Variants in HIKESHI observed in about 807,000 individuals in gnomAD.
HIKESHI encodes the protein protein Hikeshi.
Under a neutral mutation model 25.7 loss-of-function variants are expected in HIKESHI, and 13 were observed. The ratio of observed to expected loss-of-function variants is 0.51; its 90% CI spans 0.33 to 0.80. The LOEUF is 0.80. Ranked by LOEUF, HIKESHI falls within the 30% of genes least tolerant of loss-of-function variation. The pLI is 0.02. For synonymous variants in HIKESHI, 76 were observed against 78.7 expected, an observed-to-expected ratio of 0.97 and a Z score of 0.18; for missense variants, 174 against 229.5, an observed-to-expected ratio of 0.76 and a Z score of 1.56.
chr11:86,309,463 G>T (rs1946774321), intron 2 of HIKESHI, among the ~76,000 whole-genome samples: 1 of 152,116 alleles, frequency 6.6e-6, no homozygotes, highest in Non-Finnish European at 1.5e-5. Context: ...GTAGATTCTG[G>T]ATATTAGCCC....
At chr11:86,340,789 C>T (rs945218608) in intron 3 of HIKESHI, among the ~76,000 whole-genome samples, 2 of 152,036 alleles carry the variant, frequency 1.3e-5, no homozygotes, top group Non-Finnish European at 2.9e-5. Context: ...GGATTACAGG[C>T]GCGTGCCACC....
At chr11:86,321,678 C>T (rs1472235782) in intron 2 of HIKESHI, among the ~76,000 whole-genome samples, 5 of 151,920 alleles carry the variant, frequency 3.3e-5, no homozygotes, top group East Asian at 1.9e-4. Flanking sequence ...TATAGGCACC[C>T]GCCATTATGC....
intron 3 of HIKESHI, among the ~76,000 whole-genome samples, chr11:86,340,393 C>T (rs1481633363): frequency 6.6e-6 from 1 of 152,220 alleles, no homozygotes; most frequent in Non-Finnish European, 1.5e-5. Flanking sequence ...TCCTATTTCT[C>T]CACATCCTCT....
chr11:86,327,115 A>G (rs1947302045), intron 2 of HIKESHI, among the ~76,000 whole-genome samples: 1 of 152,160 alleles, frequency 6.6e-6, no homozygotes, highest in African/African-American at 2.4e-5. Flanking sequence ...ATTGTCTGGA[A>G]TGGCTTGGGG....
chr11:86,303,302 T>C (rs981626304), intron 1 of HIKESHI: 4 of 574,558 alleles, frequency 7.0e-6, no homozygotes, highest in Non-Finnish European at 8.8e-6. Context: ...CTTTGCTGAA[T>C]TGTCTTTTTT....
intron 2 of HIKESHI, among the ~76,000 whole-genome samples, chr11:86,322,229 C>A (rs1396663652): frequency 6.6e-6 from 1 of 152,154 alleles, no homozygotes; most frequent in Non-Finnish European, 1.5e-5. Context: ...TCAAGTGATA[C>A]ACCCACCTCA....
intron 2 of HIKESHI, among the ~76,000 whole-genome samples, chr11:86,331,836 A>G (rs1012550509): frequency 1.3e-5 from 2 of 152,126 alleles, no homozygotes; most frequent in East Asian, 1.9e-4. Context: ...TTAGAAATAC[A>G]TATTTCTAAA....
chr11:86,323,558 T>C (rs1269697165), intron 2 of HIKESHI, among the ~76,000 whole-genome samples: 1 of 152,210 alleles, frequency 6.6e-6, no homozygotes, highest in Non-Finnish European at 1.5e-5. Flanking sequence ...ATTTCCCCCA[T>C]CTTTGCCTGT....
chr11:86,330,351 G>C, intron 2 of HIKESHI, among the ~76,000 whole-genome samples: 1 of 152,014 alleles, frequency 6.6e-6, no homozygotes, highest in South Asian at 2.1e-4. Flanking sequence ...CAAAAATCTT[G>C]GTGACTTATT....
At chr11:86,302,609 A>G (rs1350174328) in intron 1 of HIKESHI, 131 bp downstream of exon 1, 16 of 1,040,228 alleles carry the variant, frequency 1.5e-5, no homozygotes, top group Non-Finnish European at 2.1e-5. Context: ...GTATGTGAGG[A>G]TGGAGCGTGG....
At chr11:86,312,562 AAGGTTAATATTGCTGTGTG>A (rs1946862066) in intron 2 of HIKESHI, among the ~76,000 whole-genome samples, 1 of 152,152 alleles carries the variant, frequency 6.6e-6, no homozygotes, top group Admixed American at 6.5e-5. Context: ...ATTTACATTT[AAGGTTAATATTGCTGTGTG>A]TGAATTTGAT....
At chr11:86,315,870 G>GA (rs954004668) in intron 2 of HIKESHI, among the ~76,000 whole-genome samples, 1 of 151,918 alleles carries the variant, frequency 6.6e-6, no homozygotes, top group African/African-American at 2.4e-5. Flanking sequence ...TACTGTTCTA[G>GA]AAAAAAACAT....
intron 2 of HIKESHI, among the ~76,000 whole-genome samples, chr11:86,307,852 G>A (rs1946692436): frequency 8.6e-6 from 1 of 116,816 alleles, no homozygotes; most frequent in Non-Finnish European, 1.7e-5. Flanking sequence ...TATATTATGT[G>A]TAATATACAT....
chr11:86,303,873 G>A (rs1306891171), intron 1 of HIKESHI, among the ~76,000 whole-genome samples: 7 of 152,122 alleles, frequency 4.6e-5, no homozygotes. Flanking sequence ...AGAGTGTGAT[G>A]ATACAGATTT....
chr11:86,318,512 A>C (rs898456915), intron 2 of HIKESHI, among the ~76,000 whole-genome samples: 2 of 152,002 alleles, frequency 1.3e-5, no homozygotes, highest in African/African-American at 2.4e-5. Flanking sequence ...CAGTTTAATA[A>C]ATTTTGAAGC....
intron 2 of HIKESHI, among the ~76,000 whole-genome samples, chr11:86,320,290 A>T (rs1947114427): frequency 6.6e-6 from 1 of 152,218 alleles, no homozygotes; most frequent in South Asian, 2.1e-4. Context: ...TGTAAAGAAC[A>T]AAGAGGGCTG....
chr11:86,325,498 A>C (rs1265027373), intron 2 of HIKESHI, among the ~76,000 whole-genome samples: 3 of 152,192 alleles, frequency 2.0e-5, no homozygotes, highest in African/African-American at 7.2e-5. Flanking sequence ...TGAAAACATA[A>C]AATAAATGTT....
chr11:86,319,603 C>G (rs1947099688), intron 2 of HIKESHI, among the ~76,000 whole-genome samples: 1 of 141,908 alleles, frequency 7.0e-6, no homozygotes, highest in South Asian at 2.4e-4. Flanking sequence ...AATCAGTGTT[C>G]AAATTGTCAA....
intron 2 of HIKESHI, among the ~76,000 whole-genome samples, chr11:86,335,605 G>A (rs1279254987): frequency 3.3e-5 from 5 of 152,210 alleles, no homozygotes; most frequent in East Asian, 1.9e-4. Context: ...GTCCCAACAC[G>A]CAGAGCCCAT....
Sources: allele counts gnomAD v4.1 joint callset (sites outside exome capture counted in the v4.1 genomes callset), GRCh38; gene constraint gnomAD v4.1.1; transcripts MANE v1.5; gene names NCBI Gene and HGNC (gene_info 2026-07-23, HGNC 2026-07-21).